The following EFHC1 variants were observed in gnomAD, a reference collection of about 807,000 sequenced individuals.
EFHC1 encodes EF-hand domain containing 1, also known as EF-hand domain-containing protein 1.
A neutral mutation model predicts 69.9 loss-of-function variants in EFHC1; 53 were observed. That is an observed-to-expected ratio of 0.76 (90% CI 0.61 to 0.95). The LOEUF (loss-of-function observed/expected upper bound fraction) is 0.95. EFHC1 is among the 40% of genes least tolerant of loss of function. The pLI, the probability that EFHC1 is intolerant of heterozygous loss-of-function variation, is 0.00. For missense variants in EFHC1, 739 were observed against 798.7 expected (o/e 0.93, Z 0.90); for synonymous variants, 256 against 278.4 (o/e 0.92, Z 0.80).
chr6:52,485,943 C>T (rs1269150274), intron 9 of EFHC1: 1 of 152,178 alleles, frequency 6.6e-6, no homozygotes, highest in East Asian at 1.9e-4. Context: ...GATCCTCACC[C>T]CCGCCCTTCT....
chr6:52,467,737 T>A (rs940429533), intron 6 of EFHC1, among the ~76,000 whole-genome samples: 1 of 152,228 alleles, frequency 6.6e-6, no homozygotes, highest in Non-Finnish European at 1.5e-5. Flanking sequence ...TTAATTATAG[T>A]GTTTGGTCAG....
At chr6:52,463,114 G>A (rs981345735) in intron 5 of EFHC1, among the ~76,000 whole-genome samples, 12 of 151,334 alleles carry the variant, frequency 7.9e-5, no homozygotes, top group African/African-American at 2.2e-4. Flanking sequence ...TGCAAGCTCC[G>A]CCTCCCGGGT....
At chr6:52,487,078 G>A (rs1242776879) in intron 9 of EFHC1, 1 of 151,744 alleles carries the variant, frequency 6.6e-6, no homozygotes, top group Non-Finnish European at 1.5e-5. Flanking sequence ...TACCTTCTTT[G>A]GCATGACTAC....
At chr6:52,452,982 T>G in intron 4 of EFHC1, 145 bp downstream of exon 4, 1 of 1,571,372 alleles carries the variant, frequency 6.4e-7, no homozygotes, top group Non-Finnish European at 8.6e-7. Context: ...ACTGTCTTTC[T>G]GCTTTCATCA....
At chr6:52,448,451 T>G (rs191609865) in intron 3 of EFHC1, among the ~76,000 whole-genome samples, 1 of 152,250 alleles carries the variant, frequency 6.6e-6, no homozygotes, top group Non-Finnish European at 1.5e-5. Context: ...AGTGTCCTGT[T>G]TTTCCAGATA....
Position 52,490,233 on chromosome 6 carries a change from C to T in EFHC1, c.1734C>T (p.Asn578=). 1 of 1,614,108 alleles carries T rather than the reference C, an allele frequency of 6.2e-7. No homozygotes were observed. Among genetic ancestry groups the T allele is most frequent in the Non-Finnish European group, 8.5e-7 (1 of 1,179,954 alleles). ...TGAAAGATCACTCATGCAAAGACAA[C>T]ATTCGTGAGGCATTTCAAATTTATG... The part of the protein sequence containing the change: ...KQLKDHSCKD[N]IREAFQIYDK... The change falls in exon 10 of 11, where the codon AAC becomes AAT. Residue 578 remains asparagine, a synonymous_variant. Transcript: ENST00000371068.
At chr6:52,487,761 C>T (rs1048911142) in intron 9 of EFHC1, 9 of 152,218 alleles carry the variant, frequency 5.9e-5, no homozygotes, top group Non-Finnish European at 2.9e-5. Context: ...TATGGAAGGT[C>T]ATTGGAGGGC....
chr6:52,432,809 A>G (rs1764444323), intron 2 of EFHC1, among the ~76,000 whole-genome samples: 1 of 152,012 alleles, frequency 6.6e-6, no homozygotes. Context: ...TTTCTTCTTC[A>G]GGAATGCTGA....
chr6:52,490,092 G>T, intron 9 of EFHC1, 48 bp from the exon 10 acceptor site: 1 of 1,561,770 alleles, frequency 6.4e-7, no homozygotes, highest in South Asian at 1.1e-5. Flanking sequence ...AGATGAGACT[G>T]ATCAAGAATA....
intron 3 of EFHC1, among the ~76,000 whole-genome samples, chr6:52,445,461 C>T (rs1296610372): frequency 6.7e-6 from 1 of 150,076 alleles, no homozygotes; most frequent in African/African-American, 2.4e-5. Context: ...CCCCCTACCC[C>T]GCAGCAGTCC....
At chr6:52,462,036 C>G (rs1765179115) in intron 5 of EFHC1, among the ~76,000 whole-genome samples, 1 of 151,464 alleles carries the variant, frequency 6.6e-6, no homozygotes, top group African/African-American at 2.4e-5. Flanking sequence ...GTTGTTAGAT[C>G]AAAAAGACAA....
intron 3 of EFHC1, among the ~76,000 whole-genome samples, chr6:52,448,885 A>G (rs1242302875): frequency 6.6e-6 from 1 of 152,140 alleles, no homozygotes; most frequent in Non-Finnish European, 1.5e-5. Flanking sequence ...GTGGTGGATT[A>G]CCTTTTTGAT....
chr6:52,484,962 TAAGA>T (rs1361950597), intron 9 of EFHC1, among the ~76,000 whole-genome samples: 2 of 151,884 alleles, frequency 1.3e-5, no homozygotes, highest in Non-Finnish European at 2.9e-5. Context: ...TAGCTACTAC[TAAGA>T]AAGAAAAAAT....
chr6:52,445,447 C>T (rs1020342105), intron 3 of EFHC1, among the ~76,000 whole-genome samples: 3 of 147,028 alleles, frequency 2.0e-5, no homozygotes, highest in African/African-American at 7.5e-5. Flanking sequence ...TGTCCCTCCC[C>T]CCTCCCCCTA....
At chr6:52,445,908 C>T (rs879180620) in intron 3 of EFHC1, among the ~76,000 whole-genome samples, 1 of 152,156 alleles carries the variant, frequency 6.6e-6, no homozygotes, top group Non-Finnish European at 1.5e-5. Flanking sequence ...AGTTTGATTG[C>T]ACTGTGGTCT....
intron 6 of EFHC1, among the ~76,000 whole-genome samples, chr6:52,466,189 T>C (rs1765303110): frequency 6.6e-6 from 1 of 152,192 alleles, no homozygotes; most frequent in Non-Finnish European, 1.5e-5. Flanking sequence ...AAAGTATCAC[T>C]GGGCCCTTTC....
Position 52,482,208 on chromosome 6 carries a change from T to G in EFHC1, c.1640+2421T>G, listed in dbSNP as rs1258041154. ...ATACAAAAAAATTAGCTAGGCATGG[T>G]GGTGCAGACCTATAATCCCAGCTAC... On this transcript the variant is annotated intron_variant, in intron 9 of 10. Transcript: ENST00000371068. 2.0e-5 allele frequency: 3 copies of G among 152,016 alleles called. No homozygotes were observed. In the East Asian group the frequency reaches 5.8e-4, roughly 29 times the overall value. The allele number at this position is 152,016 out of a possible 1,614,324, so 9.4% of individuals were successfully genotyped here. A position where few individuals can be genotyped will look rare whatever the true frequency, so the allele number is the denominator to read the frequency against.
At chr6:52,461,477 G>A (rs897235037) in intron 5 of EFHC1, among the ~76,000 whole-genome samples, 2 of 152,214 alleles carry the variant, frequency 1.3e-5, no homozygotes, top group South Asian at 2.1e-4. Context: ...TCATTGATGG[G>A]CATTTAGGTT....
Position 52,490,228 on chromosome 6 carries a change from GAC to G in EFHC1, c.1731_1732del (p.Asp577GlufsTer4). 2 of 1,614,128 alleles carry G rather than the reference GAC, an allele frequency of 1.2e-6. No homozygotes were observed. Among genetic ancestry groups the G allele is most frequent in the Non-Finnish European group, 1.7e-6 (2 of 1,179,982 alleles). The stretch of plus-strand genomic sequence containing the variant: ...GCAACTGAAAGATCACTCATGCAAA[GAC>G]AACATTCGTGAGGCATTTCAAATTT... The part of the protein sequence containing the change: ...QKQLKDHSCK[D>X]NIREAFQIYD... On this transcript the variant is annotated frameshift_variant, in exon 10 of 11. Coordinates refer to ENST00000371068, the MANE Select transcript of EFHC1 (RefSeq NM_018100.4). LOFTEE classifies it high-confidence loss of function.
Sources: allele counts gnomAD v4.1 joint callset (sites outside exome capture counted in the v4.1 genomes callset), GRCh38; gene constraint gnomAD v4.1.1; transcripts MANE v1.5; gene names NCBI Gene and HGNC (gene_info 2026-07-23, HGNC 2026-07-21).